DMD: variants seen among roughly 807,000 people sequenced by gnomAD.
The protein encoded by DMD is dystrophin, also known as mutant dystrophin.
Under a neutral mutation model 330.1 loss-of-function variants are expected in DMD, and 63 were observed. That is an observed-to-expected ratio of 0.19 (90% CI 0.16 to 0.24). The LOEUF is 0.24. Ranked by LOEUF, DMD falls within the 10% of genes least tolerant of loss-of-function variation. DMD has a pLI of 1.00. For synonymous variants in DMD, 1,223 were observed against 959.8 expected (o/e 1.27, Z -5.07); for missense variants, 3,344 against 2,684.1 (o/e 1.25, Z -5.43).
intron 12 of DMD, among the ~76,000 whole-genome samples, chrX:32,609,759 C>T (rs867781563): frequency 3.2e-4 from 36 of 111,115 alleles, no homozygotes; most frequent in South Asian, 1.9e-3. Flanking sequence ...CAGTATTTCA[C>T]ATATAACCTT....
chrX:32,235,501 C>A (rs182568877), intron 43 of DMD, among the ~76,000 whole-genome samples: 1 of 110,675 alleles, frequency 9.0e-6, no homozygotes, highest in Admixed American at 9.7e-5. Context: ...GGTTGAGGTA[C>A]CCTGCCATAA....
At position 31,428,858 on chromosome X, in the gene DMD, C is replaced by CA. The variant is rs1333370839; in HGVS notation, c.9084+15622dup. Among the ~76,000 whole-genome samples, 3 of 112,371 alleles carry CA rather than the reference C, an allele frequency of 2.7e-5. 1 individual carries two copies. The East Asian group carries it at 8.4e-4, about 31-fold the overall frequency. ...GTATATTAGGCCGGGAGTGGTGGCT[C>CA]ATGCCTGTAATCCCAGCACTTGGGA... On this transcript the variant is annotated intron_variant, in intron 60 of 78. Coordinates refer to ENST00000357033, the MANE Select transcript of DMD (RefSeq NM_004006.3).
chrX:31,990,336 T>G (rs141504699), intron 44 of DMD, among the ~76,000 whole-genome samples: 3,088 of 111,954 alleles, frequency 0.028, 105 homozygotes, highest in African/African-American at 0.094. Context: ...AAGGCATTAT[T>G]TGGAAATAAC....
chrX:31,870,823 T>C (rs1020829789), intron 48 of DMD, among the ~76,000 whole-genome samples: 6 of 111,567 alleles, frequency 5.4e-5, no homozygotes, highest in Non-Finnish European at 1.1e-4. Flanking sequence ...AAAGTGATTC[T>C]TGAGGGGAGG....
intron 41 of DMD, among the ~76,000 whole-genome samples, chrX:32,326,294 C>A (rs1319257739): frequency 8.9e-6 from 1 of 112,053 alleles, no homozygotes; most frequent in Non-Finnish European, 1.9e-5. Context: ...TAAAAAAACA[C>A]AACTTTAGGA....
chrX:32,913,434 G>A (rs776826248), intron 2 of DMD, among the ~76,000 whole-genome samples: 2 of 111,885 alleles, frequency 1.8e-5, no homozygotes, highest in South Asian at 7.5e-4. Flanking sequence ...CAGGCTATAG[G>A]GCTTTTCGAT....
chrX:32,136,306 G>A (rs764501354), intron 44 of DMD, among the ~76,000 whole-genome samples: 1 of 112,337 alleles, frequency 8.9e-6, no homozygotes, highest in South Asian at 3.6e-4. Flanking sequence ...ATACCAGCCA[G>A]GCCTTCTTTA....
At chrX:32,503,703 G>A (rs191945314) in intron 18 of DMD, among the ~76,000 whole-genome samples, 2 of 110,070 alleles carry the variant, frequency 1.8e-5, no homozygotes, top group East Asian at 2.9e-4. Context: ...TTACAGGCGT[G>A]CACCACCACG....
chrX:32,895,026 A>G (rs1271603610), intron 2 of DMD, among the ~76,000 whole-genome samples: 2 of 112,220 alleles, frequency 1.8e-5, no homozygotes, highest in Non-Finnish European at 3.8e-5. Flanking sequence ...TCTCCTCCTG[A>G]TATGTAAACA....
At chrX:32,418,972 CAAAAAAAAA>C (rs1160282195) in intron 29 of DMD, among the ~76,000 whole-genome samples, 5 of 13,511 alleles carry the variant, frequency 3.7e-4, no homozygotes, top group Admixed American at 2.1e-3. Flanking sequence ...GACTCTGTCT[CAAAAAAAAA>C]AAAAAAAAAA....
intron 51 of DMD, among the ~76,000 whole-genome samples, chrX:31,768,973 T>C (rs746239124): frequency 8.9e-6 from 1 of 112,589 alleles, no homozygotes; most frequent in East Asian, 2.8e-4. Context: ...TTCCATTTTT[T>C]TCACTGAATA....
At chrX:32,975,879 G>A (rs1031513245) in intron 2 of DMD, among the ~76,000 whole-genome samples, 1 of 111,491 alleles carries the variant, frequency 9.0e-6, no homozygotes, top group Non-Finnish European at 1.9e-5. Flanking sequence ...TCCATCATAT[G>A]AGAAAGTTAA....
chrX:31,830,591 T>C (rs2093002467), intron 49 of DMD, among the ~76,000 whole-genome samples: 1 of 111,954 alleles, frequency 8.9e-6, no homozygotes, highest in Non-Finnish European at 1.9e-5. Flanking sequence ...CGAAACTCCG[T>C]CTCAAAAACA....
chrX:32,686,559 C>CAAAAAAAAAAAAAAAAAA (rs750534167), intron 9 of DMD, among the ~76,000 whole-genome samples: 8 of 28,575 alleles, frequency 2.8e-4, no homozygotes, highest in African/African-American at 4.0e-4. Flanking sequence ...AACTCCATCT[C>CAAAAAAAAAAAAAAAAAA]AAAAAAAAAA....
intron 62 of DMD, among the ~76,000 whole-genome samples, chrX:31,294,878 T>C (rs1353636796): frequency 8.9e-6 from 1 of 112,431 alleles, no homozygotes; most frequent in Non-Finnish European, 1.9e-5. Context: ...GTAGTGTTGA[T>C]TGAAGAGTGC....
chrX:31,859,959 T>C (rs765453288), intron 48 of DMD, among the ~76,000 whole-genome samples: 2 of 112,161 alleles, frequency 1.8e-5, no homozygotes, highest in East Asian at 2.8e-4. Context: ...CTGGGCATTA[T>C]AGTTAGTAAA....
chrX:33,125,679 A>T (rs2095459224), intron 1 of DMD, among the ~76,000 whole-genome samples: 1 of 111,664 alleles, frequency 9.0e-6, no homozygotes, highest in Non-Finnish European at 1.9e-5. Context: ...TTTTTTACGA[A>T]GCATTATAAT....
At chrX:32,447,462 T>C (rs1375415687) in intron 27 of DMD, among the ~76,000 whole-genome samples, 3 of 111,162 alleles carry the variant, frequency 2.7e-5, no homozygotes, top group African/African-American at 9.8e-5. Context: ...CATTTTACAA[T>C]TGGAAAATGA....
At chrX:32,164,350 G>A (rs1262589139) in intron 44 of DMD, among the ~76,000 whole-genome samples, 1 of 111,768 alleles carries the variant, frequency 8.9e-6, no homozygotes, top group Admixed American at 9.5e-5. Context: ...CCAAAATGCT[G>A]ATAGTGATAC....
Sources: allele counts gnomAD v4.1 joint callset (sites outside exome capture counted in the v4.1 genomes callset), GRCh38; gene constraint gnomAD v4.1.1; transcripts MANE v1.5; gene names NCBI Gene and HGNC (gene_info 2026-07-23, HGNC 2026-07-21).